ASIP: variants seen among roughly 807,000 people sequenced by gnomAD.
ASIP encodes agouti-signaling protein.
ASIP carries 11 observed loss-of-function variants against 10.3 expected under a neutral mutation model. The observed-to-expected ratio is 1.07, with a 90% confidence interval of 0.68 to 1.78. The LOEUF is 1.78. ASIP is among the 40% of genes most tolerant of loss of function. ASIP has a pLI of 0.00. For synonymous variants in ASIP, 70 were observed against 70.8 expected, an observed-to-expected ratio of 0.99 and a Z score of 0.06; for missense variants, 180 against 169.2, an observed-to-expected ratio of 1.06 and a Z score of -0.35.
Position 34,246,150 on chromosome 20 carries a change from A to T in ASIP, c.-11+4661A>T, listed in dbSNP as rs2035370778. 9.9e-6 allele frequency: 10 copies of T among 1,008,286 alleles called. No individual in the cohort carries two copies. In the South Asian group the frequency reaches 1.4e-4, roughly 14 times the overall value. The allele number at this position is 1,008,286 out of a possible 1,614,324, so 62.5% of individuals were successfully genotyped here. A position where few individuals can be genotyped will look rare whatever the true frequency, so the allele number is the denominator to read the frequency against. On this transcript the variant is annotated intron_variant, in intron 1 of 3. Transcript: ENST00000374954. ...TCAATTTCAAAAGTTGCAAGGCCAC[A>T]CACTCTTGTCACATGTTTCTTCTTT... is the stretch of plus-strand genomic sequence containing the variant.
rs1411603262 is a variant in ASIP, at chr20:34,269,124, T to G, written c.356T>G (p.Phe119Cys). ...DPCASCQCRF[F>C]RSACSCRVLS... Reference sequence around the variant, plus strand: ...TGCGCCTCCTGCCAGTGCCGCTTCTTCCGCAGCGCCTGCTCCTGCCGCGTG... The same window carrying G: ...TGCGCCTCCTGCCAGTGCCGCTTCTGCCGCAGCGCCTGCTCCTGCCGCGTG... Residue 119 changes from phenylalanine to cysteine, a missense_variant, in exon 4 of 4, where the codon TTC (phenylalanine) becomes TGC (cysteine). Transcript: ENST00000374954. The G allele has an allele frequency of 5.1e-6, 8 of 1,557,214 alleles. No homozygotes were observed. The highest frequency in any genetic ancestry group is 3.8e-5 in the Admixed American group (2 of 52,312).
intron 1 of ASIP, among the ~76,000 whole-genome samples, chr20:34,208,101 G>A (rs963436976): frequency 6.6e-6 from 1 of 152,106 alleles, no homozygotes; most frequent in Non-Finnish European, 1.5e-5. Context: ...TTAAAGAGTT[G>A]ACTGTAAATG....
chr20:34,212,587 C>G (rs1343934800), intron 1 of ASIP, among the ~76,000 whole-genome samples: 1 of 152,024 alleles, frequency 6.6e-6, no homozygotes, highest in Non-Finnish European at 1.5e-5. Flanking sequence ...ACAATTGACC[C>G]AATAATGTCT....
intron 1 of ASIP, among the ~76,000 whole-genome samples, chr20:34,251,341 GCTCACTGCAACCTCCA>G (rs2035472479): frequency 6.6e-6 from 1 of 151,800 alleles, no homozygotes; most frequent in South Asian, 2.1e-4. Context: ...CGTGATGTCG[GCTCACTGCAACCTCCA>G]CCTCCCCGGT....
intron 1 of ASIP, among the ~76,000 whole-genome samples, chr20:34,197,770 C>A (rs943458006): frequency 1.1e-4 from 16 of 152,112 alleles, no homozygotes; most frequent in South Asian, 6.2e-4. Flanking sequence ...GGTCATGCAG[C>A]CTGACAACTG....
chr20:34,210,523 C>A (rs1040241290), intron 1 of ASIP, among the ~76,000 whole-genome samples: 1 of 152,258 alleles, frequency 6.6e-6, no homozygotes, highest in East Asian at 1.9e-4. Context: ...CTCACTCACA[C>A]ACCTGCTGCC....
chr20:34,258,696 CTA>C (rs1172839433), intron 1 of ASIP, among the ~76,000 whole-genome samples: 1,674 of 11,614 alleles, frequency 0.14, 286 homozygotes, highest in African/African-American at 0.24. Context: ...TATATACATA[CTA>C]TATATATATA....
upstream of ASIP, among the ~76,000 whole-genome samples, chr20:34,190,849 C>A (rs1360570413): frequency 6.6e-6 from 1 of 152,238 alleles, no homozygotes; most frequent in Non-Finnish European, 1.5e-5. Context: ...AATCCCAGTC[C>A]TGCATGCAAC....
rs1568755821 is a variant in ASIP at position 34,235,825 on chromosome 20, GAAAGAAA to G, written c.-10-24539_-10-24533del. On this transcript the variant is annotated intron_variant, in intron 1 of 3. Coordinates refer to the ASIP transcript ENST00000568305. ...AGAAAGAAAGAAAGAAAGAAAGAAA[GAAAGAAA>G]GAAAGAAAGAAGGAAGGAAGGAAGG... Among the ~76,000 whole-genome samples, 10 of 62,102 alleles carry G rather than the reference GAAAGAAA, an allele frequency of 1.6e-4. 1 individual carries two copies. Among genetic ancestry groups the G allele is most frequent in the Admixed American group, 3.8e-4 (2 of 5,212 alleles). The allele number at this position is 62,102 out of a possible 152,430, so 40.7% of individuals were successfully genotyped here.
intron 2 of ASIP, among the ~76,000 whole-genome samples, chr20:34,261,493 G>A (rs2035690870): frequency 6.6e-6 from 1 of 152,126 alleles, no homozygotes; most frequent in Non-Finnish European, 1.5e-5. Flanking sequence ...AATTAACCAG[G>A]CATGGTAGCA....
At chr20:34,238,840 G>A (rs1203940674), upstream of ASIP, among the ~76,000 whole-genome samples, 1 of 152,002 alleles carries the variant, frequency 6.6e-6, no homozygotes, top group African/African-American at 2.4e-5. Flanking sequence ...TATTGTTGAT[G>A]TTTCTTTTTT....
chr20:34,223,247 C>T (rs1312073529), intron 1 of ASIP, among the ~76,000 whole-genome samples: 2 of 150,884 alleles, frequency 1.3e-5, no homozygotes, highest in Admixed American at 6.6e-5. Context: ...GGCCGCCCAT[C>T]GTCTGAGATG....
intron 1 of ASIP, chr20:34,216,001 A>G: frequency 1.4e-6 from 1 of 711,444 alleles, no homozygotes; most frequent in Non-Finnish European, 2.6e-6. Flanking sequence ...CCCAGCCTGA[A>G]CTCCATGGTC....
At chr20:34,195,843 AT>A (rs1350372613) in intron 1 of ASIP, among the ~76,000 whole-genome samples, 1 of 152,108 alleles carries the variant, frequency 6.6e-6, no homozygotes, top group Non-Finnish European at 1.5e-5. Context: ...GTGAGGAACA[AT>A]TACTTTTAAT....
At chr20:34,242,967 A>G (rs1313870719) in intron 1 of ASIP, among the ~76,000 whole-genome samples, 1 of 152,270 alleles carries the variant, frequency 6.6e-6, no homozygotes, top group Non-Finnish European at 1.5e-5. Context: ...AGTACCCACT[A>G]AGGTCTTTGT....
chr20:34,196,180 T>TC (rs1443545732), intron 1 of ASIP, among the ~76,000 whole-genome samples: 4 of 140,810 alleles, frequency 2.8e-5, no homozygotes, highest in Non-Finnish European at 4.6e-5. Context: ...TTTCTTTTTT[T>TC]TTTTTTTTTT....
At chr20:34,214,129 G>T in intron 1 of ASIP, 1 of 1,144,710 alleles carries the variant, frequency 8.7e-7, no homozygotes, top group Non-Finnish European at 1.3e-6. Context: ...CCATTCTCAG[G>T]TGGAGAAAGC....
At chr20:34,189,091 C>G in the ASIP span, among the ~76,000 whole-genome samples, 1 of 152,232 alleles carries the variant, frequency 6.6e-6, no homozygotes, top group South Asian at 2.1e-4. Flanking sequence ...TTTGAGTATT[C>G]TCTAATTCTC....
At chr20:34,204,994 A>G in intron 1 of ASIP, among the ~76,000 whole-genome samples, 1 of 152,150 alleles carries the variant, frequency 6.6e-6, no homozygotes, top group East Asian at 1.9e-4. Context: ...CTACTCTTCT[A>G]GTTATTTTGA....
Sources: gnomAD v4.1 joint callset for allele counts (sites outside exome capture counted in the v4.1 genomes callset) on GRCh38, gnomAD v4.1.1 for gene constraint, MANE v1.5 for transcripts, NCBI Gene and HGNC (gene_info 2026-07-23, HGNC 2026-07-21) for gene names.